Variants in CCNY observed in about 807,000 individuals in gnomAD.
CCNY encodes cyclin Y, also known as cyclin-Y.
CCNY carries 19 observed loss-of-function variants against 42.8 expected under a neutral mutation model. The ratio of observed to expected loss-of-function variants is 0.44; its 90% CI spans 0.31 to 0.65. The LOEUF is 0.65. Among genes scored for constraint, CCNY ranks in the 30% least tolerant of loss-of-function variants. CCNY has a pLI of 0.07. For missense variants in CCNY, 370 were observed against 437.3 expected (o/e 0.85, Z 1.37); for synonymous variants, 165 against 162.7 (o/e 1.01, Z -0.11).
intron 1 of CCNY, among the ~76,000 whole-genome samples, chr10:35,452,036 C>G (rs942202372): frequency 5.3e-5 from 8 of 152,088 alleles, no homozygotes; most frequent in Non-Finnish European, 1.2e-4. Context: ...TAATGTATGC[C>G]AAGGTCAGAC....
chr10:35,505,703 G>A lies in CCNY; in HGVS notation c.264+4168G>A, dbSNP rs148520725. 7.5e-4 allele frequency among the ~76,000 whole-genome samples: 114 copies of A among 152,192 alleles called. 2 individuals carry two copies. In the East Asian group the frequency reaches 0.016, roughly 21 times the overall value. ...GCAGCCTAATTATAACACCATATAC[G>A]TATGTTGTATTATTATTGTCCATTG... On this transcript the variant is annotated intron_variant, in intron 3 of 9. Coordinates refer to ENST00000374704, the MANE Select transcript of CCNY (RefSeq NM_145012.6).
intron 4 of CCNY, among the ~76,000 whole-genome samples, chr10:35,518,739 A>G (rs1269584584): frequency 1.4e-5 from 2 of 144,584 alleles, no homozygotes; most frequent in Non-Finnish European, 3.0e-5. Context: ...TGGCTGAGGC[A>G]TACTGTGGGT....
At chr10:35,378,915 C>T (rs564274676) in intron 1 of CCNY, among the ~76,000 whole-genome samples, 1 of 152,300 alleles carries the variant, frequency 6.6e-6, no homozygotes, top group African/African-American at 2.4e-5. Flanking sequence ...CTGCACTAGG[C>T]TTGCTTTATT....
At chr10:35,540,676 A>G (rs1840981865) in intron 7 of CCNY, among the ~76,000 whole-genome samples, 1 of 152,068 alleles carries the variant, frequency 6.6e-6, no homozygotes, top group Admixed American at 6.5e-5. Context: ...AAGTTTCTAC[A>G]TTACTAATCA....
intron 1 of CCNY, among the ~76,000 whole-genome samples, chr10:35,404,197 A>T (rs1303988496): frequency 6.6e-6 from 1 of 152,234 alleles, no homozygotes; most frequent in African/African-American, 2.4e-5. Context: ...CTCTAAAAGT[A>T]TTAGGGCGGC....
chr10:35,445,424 G>C (rs1490762544), intron 1 of CCNY, among the ~76,000 whole-genome samples: 2 of 152,214 alleles, frequency 1.3e-5, no homozygotes, highest in Non-Finnish European at 2.9e-5. Flanking sequence ...GTAAGGGTTA[G>C]GGGAAGAGAC....
intron 3 of CCNY, among the ~76,000 whole-genome samples, chr10:35,325,689 G>A (rs963031360): frequency 6.6e-6 from 1 of 151,792 alleles, no homozygotes; most frequent in Non-Finnish European, 1.5e-5. Context: ...GGCTGGTCTT[G>A]AACTCCCTAT....
rs188554727 is a variant in CCNY at position 35,260,550 on chromosome 10, A to G, written c.-9+9924A>G. ...TTTCACCCTAAGAAAAGAGTTTTAAATGCTGGCTGTGCATGAAAATTGCCT... is the reference window on the plus strand; with the variant it reads ...TTTCACCCTAAGAAAAGAGTTTTAAGTGCTGGCTGTGCATGAAAATTGCCT... On this transcript the variant is annotated intron_variant, in intron 3 of 11. Transcript: ENST00000374706. 5.3e-5 allele frequency among the ~76,000 whole-genome samples: 8 copies of G among 152,344 alleles called. No homozygotes were observed. The East Asian group carries it at 1.5e-3, about 29-fold the overall frequency.
intron 8 of CCNY, among the ~76,000 whole-genome samples, chr10:35,554,881 C>G (rs1841331515): frequency 6.6e-6 from 1 of 152,064 alleles, no homozygotes; most frequent in Non-Finnish European, 1.5e-5. Context: ...GAAAAATGAC[C>G]AGTGAATAAC....
chr10:35,517,478 T>A (rs1329693486), intron 4 of CCNY, among the ~76,000 whole-genome samples: 1 of 152,198 alleles, frequency 6.6e-6, no homozygotes, highest in Non-Finnish European at 1.5e-5. Context: ...GTGTTTAAAT[T>A]TTAAATAAGG....
intron 8 of CCNY, among the ~76,000 whole-genome samples, chr10:35,561,978 C>G (rs1365076946): frequency 2.0e-5 from 3 of 152,248 alleles, no homozygotes; most frequent in Non-Finnish European, 4.4e-5. Context: ...CTCCCACTCT[C>G]ACCAACAATC....
chr10:35,488,024 C>T (rs992101324), intron 2 of CCNY, among the ~76,000 whole-genome samples: 23 of 152,226 alleles, frequency 1.5e-4, no homozygotes, highest in African/African-American at 5.1e-4. Flanking sequence ...GCAGCCAAGC[C>T]ACATCTTTTT....
At chr10:35,444,101 C>T (rs570276192) in intron 1 of CCNY, among the ~76,000 whole-genome samples, 170 of 150,410 alleles carry the variant, frequency 1.1e-3, no homozygotes, top group African/African-American at 3.5e-3. Context: ...TTGATTTCTG[C>T]GACATTGAAT....
chr10:35,344,623 G>A (rs1348626988), intron 1 of CCNY, among the ~76,000 whole-genome samples: 22 of 151,836 alleles, frequency 1.4e-4, no homozygotes, highest in Admixed American at 1.4e-3. Context: ...TGTGCACAAT[G>A]TGCAGGTTTA....
chr10:35,354,755 T>C (rs928463516), intron 1 of CCNY, among the ~76,000 whole-genome samples: 4 of 152,148 alleles, frequency 2.6e-5, no homozygotes, highest in Non-Finnish European at 5.9e-5. Context: ...GGATTTTTCA[T>C]GGAGACAAAG....
chr10:35,453,106 A>G (rs994490327), intron 1 of CCNY, among the ~76,000 whole-genome samples: 1 of 152,192 alleles, frequency 6.6e-6, no homozygotes, highest in Non-Finnish European at 1.5e-5. Context: ...ACAGCGTCCA[A>G]CTAATTTTTT....
At chr10:35,498,011 C>T (rs542504375) in intron 2 of CCNY, among the ~76,000 whole-genome samples, 22 of 152,124 alleles carry the variant, frequency 1.4e-4, no homozygotes, top group Non-Finnish European at 3.1e-4. Context: ...CAGTCACACT[C>T]ATGACTGTAA....
Position 35,337,162 on chromosome 10 carries a change from A to C in CCNY, c.109A>C (p.Thr37Pro). The C allele has an allele frequency of 6.3e-7, 1 of 1,577,268 alleles. No individual in the cohort carries two copies. The highest frequency in any genetic ancestry group is 8.6e-7 in the Non-Finnish European group (1 of 1,164,068). Residue 37 changes from threonine (T) to proline (P), a missense_variant, in exon 1 of 10, where the codon ACG (threonine) becomes CCG (proline). Physicochemically the swap from Thr to Pro is conservative, Grantham distance 38 (BLOSUM62 -1). Around this residue, in one of 2 missense-constraint regions of CCNY, gnomAD observed 136 missense variants for 124.2 expected, o/e 1.09. Coordinates refer to ENST00000374704, the MANE Select transcript of CCNY (RefSeq NM_145012.6). ...RPDTDLSRED[T>P]GCNLQHISDR... Reference sequence around the variant, plus strand: ...AGACACGGACCTGAGCCGCGAGGACACGGGCTGCAACCTGCAGCACATCAG... The same window carrying C: ...AGACACGGACCTGAGCCGCGAGGACCCGGGCTGCAACCTGCAGCACATCAG...
rs1371886752 is a variant in CCNY, at chr10:35,360,304, T to G, written c.154+23097T>G. On this transcript the variant is annotated intron_variant, in intron 1 of 9. Transcript: ENST00000374704. The stretch of plus-strand genomic sequence containing the variant: ...TTTTCTTTTCTTTTTTTTTTTTTTT[T>G]GAGATAGAGTCTCACTCTGTCACCC... Among the ~76,000 whole-genome samples the G allele has an allele frequency of 7.5e-5, 8 of 106,672 alleles. No homozygotes were observed. In the East Asian group the frequency reaches 8.5e-4, roughly 11 times the overall value. 70.0% of individuals were successfully genotyped at this position (106,672 alleles called of 152,430 possible). A position where few individuals can be genotyped will look rare whatever the true frequency, so the allele number is the denominator to read the frequency against.
Sources: gnomAD v4.1 joint callset for allele counts (sites outside exome capture counted in the v4.1 genomes callset) on GRCh38, gnomAD v4.1.1 for gene constraint, gnomAD v4.1.1 regional missense constraint, MANE v1.5 for transcripts, NCBI Gene and HGNC (gene_info 2026-07-23, HGNC 2026-07-21) for gene names.